Variants in SAMD12 observed in about 807,000 individuals in gnomAD.
The protein encoded by SAMD12 is sterile alpha motif domain-containing protein 12.
SAMD12 carries 9 observed loss-of-function variants against 15.0 expected under a neutral mutation model. The observed-to-expected ratio is 0.60, with a 90% CI of 0.36 to 1.05. The LOEUF (loss-of-function observed/expected upper bound fraction) is 1.05. Ranked by LOEUF, SAMD12 falls within the 50% of genes least tolerant of loss-of-function variation. The probability of loss-of-function intolerance (pLI) is 0.01; values close to 1 mark genes in which losing one functional copy is unlikely to be tolerated. For synonymous variants in SAMD12, 86 were observed against 90.1 expected, an observed-to-expected ratio of 0.96 and a Z score of 0.25; for missense variants, 230 against 234.2, an observed-to-expected ratio of 0.98 and a Z score of 0.12.
intron 2 of SAMD12, among the ~76,000 whole-genome samples, chr8:118,554,349 AG>A (rs1280062369): frequency 2.0e-5 from 3 of 152,094 alleles, no homozygotes; most frequent in Non-Finnish European, 4.4e-5. Flanking sequence ...AATACTATGC[AG>A]CCATAAAAAA....
At chr8:118,299,525 T>C (rs567008995) in intron 4 of SAMD12, among the ~76,000 whole-genome samples, 2 of 152,252 alleles carry the variant, frequency 1.3e-5, no homozygotes, top group South Asian at 2.1e-4. Flanking sequence ...TGGGATGATC[T>C]TATTGGCAGA....
At chr8:118,146,265 G>A in the SAMD12 span, among the ~76,000 whole-genome samples, 1 of 152,194 alleles carries the variant, frequency 6.6e-6, no homozygotes, top group Admixed American at 6.5e-5. Flanking sequence ...GAGAAAGCAT[G>A]GCACATTTGA....
intron 1 of SAMD12, among the ~76,000 whole-genome samples, chr8:118,616,240 A>T (rs1408793114): frequency 1.3e-5 from 2 of 152,198 alleles, no homozygotes; most frequent in African/African-American, 4.8e-5. Context: ...TGCTCTGTAG[A>T]GGAACACAGT....
intron 4 of SAMD12, among the ~76,000 whole-genome samples, chr8:118,313,486 G>T (rs1261962765): frequency 6.6e-6 from 1 of 152,108 alleles, no homozygotes; most frequent in African/African-American, 2.4e-5. Flanking sequence ...GTACCTACCT[G>T]CAGTGACTCT....
intron 4 of SAMD12, among the ~76,000 whole-genome samples, chr8:118,272,950 A>C (rs1813401538): frequency 6.6e-6 from 1 of 152,182 alleles, no homozygotes; most frequent in South Asian, 2.1e-4. Flanking sequence ...TCTTCTTCTG[A>C]GTCCTTCAAA....
At chr8:118,132,368 T>C in the SAMD12 span, among the ~76,000 whole-genome samples, 2 of 152,202 alleles carry the variant, frequency 1.3e-5, no homozygotes, top group East Asian at 1.9e-4. Flanking sequence ...AATTCTGCAA[T>C]GGGGAATGCA....
intron 3 of SAMD12, chr8:118,395,049 T>A (rs899111502): frequency 1.3e-5 from 2 of 152,112 alleles, no homozygotes; most frequent in Admixed American, 1.3e-4. Flanking sequence ...GTGGGTATGT[T>A]AACAGTATAG....
downstream of SAMD12, among the ~76,000 whole-genome samples, chr8:118,375,261 T>C (rs1297827415): frequency 6.6e-6 from 1 of 152,142 alleles, no homozygotes; most frequent in Non-Finnish European, 1.5e-5. Context: ...GGGTAAAAGT[T>C]TGCTGTGGAG....
chr8:118,492,073 C>T (rs1196979772), intron 2 of SAMD12, among the ~76,000 whole-genome samples: 1 of 149,196 alleles, frequency 6.7e-6, no homozygotes, highest in Non-Finnish European at 1.5e-5. Context: ...CATTCTCACT[C>T]GCAATGTATG....
At chr8:118,181,178 C>T in the SAMD12 span, among the ~76,000 whole-genome samples, 4 of 152,108 alleles carry the variant, frequency 2.6e-5, no homozygotes, top group South Asian at 6.2e-4. Flanking sequence ...CATACCACCA[C>T]GTTCAGTTAA....
At chr8:118,180,221 G>A in the SAMD12 span, among the ~76,000 whole-genome samples, 6 of 152,148 alleles carry the variant, frequency 3.9e-5, no homozygotes, top group Admixed American at 6.5e-5. Context: ...ATATCTATCC[G>A]TGTCTCATTC....
intron 2 of SAMD12, among the ~76,000 whole-genome samples, chr8:118,523,838 AAAAGG>A (rs779247407): frequency 3.3e-5 from 5 of 152,072 alleles, no homozygotes; most frequent in Non-Finnish European, 5.9e-5. Flanking sequence ...AAGCCATCTG[AAAAGG>A]CTTCCTAACC....
intron 2 of SAMD12, among the ~76,000 whole-genome samples, chr8:118,535,578 A>C (rs961588545): frequency 1.2e-4 from 18 of 152,302 alleles, no homozygotes; most frequent in Admixed American, 5.9e-4. Context: ...GACCTCCTTG[A>C]GCTGTGGTGG....
At chr8:118,146,956 A>T in the SAMD12 span, among the ~76,000 whole-genome samples, 1 of 152,164 alleles carries the variant, frequency 6.6e-6, no homozygotes, top group Non-Finnish European at 1.5e-5. Context: ...GGTGATTGCC[A>T]TTTCCATGCT....
chr8:118,523,323 T>C (rs1035459850), intron 2 of SAMD12, among the ~76,000 whole-genome samples: 1 of 152,136 alleles, frequency 6.6e-6, no homozygotes, highest in African/African-American at 2.4e-5. Flanking sequence ...AGACTTAAAA[T>C]AGCCCATGAA....
chr8:118,343,944 T>C (rs1019105780), intron 4 of SAMD12, among the ~76,000 whole-genome samples: 7 of 152,250 alleles, frequency 4.6e-5, no homozygotes, highest in African/African-American at 1.4e-4. Flanking sequence ...GAATATCTTC[T>C]TGGCAGGGAT....
intron 4 of SAMD12, among the ~76,000 whole-genome samples, chr8:118,348,565 G>A (rs1359037998): frequency 6.6e-6 from 1 of 151,876 alleles, no homozygotes; most frequent in African/African-American, 2.4e-5. Flanking sequence ...GTAGAGACGG[G>A]GTTTCACCGT....
chr8:118,375,993 T>A (rs549544596), downstream of SAMD12: 2 of 152,314 alleles, frequency 1.3e-5, no homozygotes, highest in South Asian at 4.2e-4. Context: ...ATCCCAGAGA[T>A]CCTACCATAT....
At chr8:118,485,007 C>A (rs1463304879) in intron 2 of SAMD12, among the ~76,000 whole-genome samples, 1 of 152,158 alleles carries the variant, frequency 6.6e-6, no homozygotes, top group Non-Finnish European at 1.5e-5. Flanking sequence ...GACCACCCAG[C>A]TGGAAATCTG....
Sources: gnomAD v4.1 joint callset for allele counts (sites outside exome capture counted in the v4.1 genomes callset) on GRCh38, gnomAD v4.1.1 for gene constraint, MANE v1.5 for transcripts, NCBI Gene and HGNC (gene_info 2026-07-23, HGNC 2026-07-21) for gene names.